Variants in ROBO2 observed in about 807,000 individuals in gnomAD.
The protein encoded by ROBO2 is roundabout homolog 2.
In ROBO2, 53 loss-of-function variants were observed where a neutral mutation model predicts 160.8. That is an observed-to-expected ratio of 0.33 (90% CI 0.26 to 0.41). ROBO2 has a LOEUF of 0.41. Ranked by LOEUF, ROBO2 falls within the 10% of genes least tolerant of loss-of-function variation. The pLI, the probability that ROBO2 is intolerant of heterozygous loss-of-function variation, is 1.00. For missense variants in ROBO2, 1,577 were observed against 1,722.4 expected (o/e 0.92, Z 1.49); for synonymous variants, 664 against 611.7 (o/e 1.09, Z -1.26).
intron 2 of ROBO2, among the ~76,000 whole-genome samples, chr3:76,595,938 C>T (rs2086707510): frequency 1.3e-5 from 2 of 152,082 alleles, no homozygotes; most frequent in South Asian, 4.1e-4. Flanking sequence ...TTTAATACAT[C>T]AGACCACAAA....
At chr3:76,059,146 A>G (rs1357289275) in intron 2 of ROBO2, among the ~76,000 whole-genome samples, 3 of 151,490 alleles carry the variant, frequency 2.0e-5, no homozygotes, top group Admixed American at 6.6e-5. Context: ...ATGATTTATA[A>G]TCCTTTGGGT....
intron 2 of ROBO2, among the ~76,000 whole-genome samples, chr3:76,913,317 C>A (rs1432357547): frequency 3.3e-5 from 5 of 152,104 alleles, no homozygotes; most frequent in African/African-American, 1.2e-4. Context: ...GAGGGAGTCA[C>A]GCTCTCCCTA....
chr3:77,392,872 C>G (rs552930350), intron 2 of ROBO2, among the ~76,000 whole-genome samples: 21 of 152,198 alleles, frequency 1.4e-4, no homozygotes, highest in Non-Finnish European at 2.6e-4. Flanking sequence ...GTTATACATA[C>G]GAAACAAATC....
chr3:76,322,189 TATATATATATATA>T (rs1160064575), intron 2 of ROBO2, among the ~76,000 whole-genome samples: 1 of 91,820 alleles, frequency 1.1e-5, no homozygotes, highest in East Asian at 3.3e-4. Context: ...TATATATATA[TATATATATATATA>T]TAATATACAC....
chr3:76,962,334 A>G lies in ROBO2; in HGVS notation c.110-135680A>G, dbSNP rs575757012. Reference sequence around the variant, plus strand: ...TGGCAACAGAGCGAGATTCCATTAAAAAAACAAACAAACAAACAAAACCAC... The same window carrying G: ...TGGCAACAGAGCGAGATTCCATTAAGAAAACAAACAAACAAACAAAACCAC... On this transcript the variant is annotated intron_variant, in intron 2 of 26. Transcript: ENST00000487694. 2.6e-5 allele frequency among the ~76,000 whole-genome samples: 4 copies of G among 151,960 alleles called. No homozygotes were observed. The South Asian group carries it at 8.3e-4, about 32-fold the overall frequency.
intron 16 of ROBO2, among the ~76,000 whole-genome samples, chr3:77,585,643 C>CA (rs2094027197): frequency 6.6e-6 from 1 of 151,992 alleles, no homozygotes; most frequent in African/African-American, 2.4e-5. Context: ...ACACAAATCA[C>CA]AATTCAACCT....
At chr3:76,662,103 A>G (rs544397844) in intron 2 of ROBO2, among the ~76,000 whole-genome samples, 2 of 152,224 alleles carry the variant, frequency 1.3e-5, no homozygotes, top group South Asian at 2.1e-4. Flanking sequence ...GACATATTCA[A>G]TGCCCCACTT....
At chr3:77,296,547 A>C (rs976651253) in intron 2 of ROBO2, among the ~76,000 whole-genome samples, 3 of 152,082 alleles carry the variant, frequency 2.0e-5, no homozygotes, top group African/African-American at 7.2e-5. Context: ...TTCCTAAATT[A>C]CTGATACCCG....
intron 2 of ROBO2, among the ~76,000 whole-genome samples, chr3:76,619,063 G>C (rs1487245155): frequency 6.6e-6 from 1 of 150,472 alleles, no homozygotes; most frequent in African/African-American, 2.5e-5. Flanking sequence ...AAAATAGGCC[G>C]GGCGCGGTGG....
chr3:76,987,029 A>G (rs927406190), intron 2 of ROBO2, among the ~76,000 whole-genome samples: 6 of 152,198 alleles, frequency 3.9e-5, no homozygotes, highest in Non-Finnish European at 7.3e-5. Flanking sequence ...TGCATATTAG[A>G]TTAGAGCTCA....
At chr3:77,432,115 T>G (rs1220439594) in intron 2 of ROBO2, among the ~76,000 whole-genome samples, 1 of 152,152 alleles carries the variant, frequency 6.6e-6, no homozygotes, top group Admixed American at 6.5e-5. Context: ...AATAAAATCT[T>G]TGGGATTTGT....
intron 2 of ROBO2, among the ~76,000 whole-genome samples, chr3:76,302,194 A>G (rs1709395327): frequency 6.6e-6 from 1 of 152,094 alleles, no homozygotes; most frequent in East Asian, 1.9e-4. Context: ...CTAATTGATA[A>G]TAGGAATTAG....
At chr3:77,235,101 G>C (rs760755719) in intron 2 of ROBO2, among the ~76,000 whole-genome samples, 11 of 152,096 alleles carry the variant, frequency 7.2e-5, no homozygotes, top group Middle Eastern at 6.4e-3. Flanking sequence ...CCAAAATATG[G>C]TTAATGGAAA....
intron 2 of ROBO2, among the ~76,000 whole-genome samples, chr3:76,490,069 A>G (rs77424867): frequency 1.5e-4 from 23 of 152,288 alleles, no homozygotes; most frequent in African/African-American, 4.3e-4. Context: ...CTAAATGCCA[A>G]ATGCTTTTGC....
At chr3:77,121,845 G>A (rs1320256975) in intron 2 of ROBO2, among the ~76,000 whole-genome samples, 1 of 151,930 alleles carries the variant, frequency 6.6e-6, no homozygotes, top group African/African-American at 2.4e-5. Flanking sequence ...CATAAATTGA[G>A]CTTTAATTAT....
At chr3:75,984,909 G>A (rs1249345741) in intron 2 of ROBO2, among the ~76,000 whole-genome samples, 1 of 151,356 alleles carries the variant, frequency 6.6e-6, no homozygotes, top group South Asian at 2.1e-4. Context: ...TTACAAGCAT[G>A]ATATACACTT....
chr3:77,602,959 G>A lies in ROBO2; in HGVS notation c.3136+468G>A, dbSNP rs569287047. 275 of 456,910 alleles carry A rather than the reference G, an allele frequency of 6.0e-4. 1 individual carries two copies. Among genetic ancestry groups the A allele is most frequent in the South Asian group, 8.4e-4 (54 of 64,558 alleles). 28.3% of individuals were successfully genotyped at this position (456,910 alleles called of 1,614,324 possible). A position where few individuals can be genotyped will look rare whatever the true frequency, so the allele number is the denominator to read the frequency against. On this transcript the variant is annotated intron_variant, in intron 20 of 25. Coordinates refer to ENST00000461745, the Ensembl canonical transcript of ROBO2. ...GCCTTACTTTACATTCCTGACTACC[G>A]ATTGGCTGAGGGATTGTCTAATAGA...
intron 2 of ROBO2, among the ~76,000 whole-genome samples, chr3:77,361,705 C>T (rs1193342430): frequency 5.3e-5 from 8 of 152,214 alleles, no homozygotes; most frequent in Admixed American, 2.0e-4. Context: ...GCTCTTATGA[C>T]GTAAACACCC....
intron 1 of ROBO2, among the ~76,000 whole-genome samples, chr3:77,091,624 A>G (rs1559986862): frequency 2.0e-5 from 3 of 152,052 alleles, no homozygotes; most frequent in African/African-American, 7.2e-5. Context: ...GCATGGAAAA[A>G]ATGCAGCTTC....
Sources: gnomAD v4.1 joint callset for allele counts (sites outside exome capture counted in the v4.1 genomes callset) on GRCh38, gnomAD v4.1.1 for gene constraint, MANE v1.5 for transcripts, NCBI Gene and HGNC (gene_info 2026-07-23, HGNC 2026-07-21) for gene names.